Variants in NCAPH observed in about 807,000 individuals in gnomAD.
NCAPH encodes non-SMC condensin I complex subunit H.
NCAPH carries 38 observed loss-of-function variants against 85.5 expected under a neutral mutation model. The ratio of observed to expected loss-of-function variants is 0.44; its 90% CI spans 0.34 to 0.58. The LOEUF is 0.58. NCAPH is among the 20% of genes least tolerant of loss of function. NCAPH has a pLI of 0.01. For synonymous variants in NCAPH, 301 were observed against 335.1 expected (o/e 0.90, Z 1.11); for missense variants, 789 against 916.6 (o/e 0.86, Z 1.80).
chr2:96,375,030 A>C lies in NCAPH; in HGVS notation c.*1679A>C, dbSNP rs74625264. On this transcript the variant is annotated 3_prime_UTR_variant, in exon 18 of 18. Transcript: ENST00000240423. ...TCAAGACCAGCCTGGGCAAAATAGA[A>C]CCCCATCTTTAAAAAAAAAGTTTAA... Among the ~76,000 whole-genome samples, 196 of 151,818 alleles carry C rather than the reference A, an allele frequency of 1.3e-3. 5 individuals carry two copies. In the East Asian group the frequency reaches 0.031, roughly 24 times the overall value.
In NCAPH at chr2:96,344,187, C is replaced by T. The variant is rs773252367; in HGVS notation, c.678C>T (p.Asn226=). 136 of 1,613,234 alleles carry T rather than the reference C, an allele frequency of 8.4e-5. No individual in the cohort carries two copies. The highest frequency in any genetic ancestry group is 1.1e-4 in the Non-Finnish European group (132 of 1,179,836). ...KKHLHRTIEQ[N]INNLNVSEAD... is the part of the protein sequence containing the mutation. ...ACTTACACAGAACTATTGAGCAGAA[C>T]ATAAACAACCTCAATGTCTCCGAAG... The change falls in exon 6 of 18, where the codon AAC becomes AAT. Residue 226 remains asparagine (N), a synonymous_variant. Transcript: ENST00000240423.
intron 17 of NCAPH, among the ~76,000 whole-genome samples, chr2:96,372,269 G>A (rs2104511262): frequency 6.6e-6 from 1 of 152,232 alleles, no homozygotes. Context: ...ACTGCTGTCA[G>A]GAACTAATGG....
chr2:96,365,507 C>T (rs755643950), intron 13 of NCAPH, among the ~76,000 whole-genome samples: 1 of 152,034 alleles, frequency 6.6e-6, no homozygotes, highest in Non-Finnish European at 1.5e-5. Context: ...ACCAGATGGC[C>T]CCAGGAATCT....
At chr2:96,346,019 CA>C (rs2064356788) in intron 6 of NCAPH, among the ~76,000 whole-genome samples, 2 of 152,146 alleles carry the variant, frequency 1.3e-5, no homozygotes, top group African/African-American at 4.8e-5. Flanking sequence ...GGAGAAATGA[CA>C]GCATATTTTG....
At chr2:96,369,369 C>G (rs1456515223) in intron 16 of NCAPH, 56 bp from the exon 17 acceptor site, 2 of 1,434,450 alleles carry the variant, frequency 1.4e-6, no homozygotes, top group Non-Finnish European at 2.0e-6. Context: ...ACTTGATGAA[C>G]GAGCTTTTGT....
At chr2:96,345,474 G>A (rs977935641) in intron 6 of NCAPH, among the ~76,000 whole-genome samples, 5 of 152,308 alleles carry the variant, frequency 3.3e-5, no homozygotes, top group African/African-American at 9.6e-5. Flanking sequence ...TGCTGCAGCC[G>A]GGGTGGAACA....
chr2:96,367,314 C>T lies in NCAPH; in HGVS notation c.1939C>T (p.Leu647=). Residue 647 remains leucine, a synonymous_variant, in exon 15 of 18, where the codon CTG becomes TTG. Transcript: ENST00000240423. ...TGCCAAAAAGATGGACATGAAGAAA[C>T]TGAAGCAGAGCATGTGGAGTCTGCT... ...KTAKKMDMKK[L]KQSMWSLLTA... The T allele has an allele frequency of 6.2e-7, 1 of 1,613,756 alleles. No individual in the cohort carries two copies. The highest frequency in any genetic ancestry group is 8.5e-7 in the Non-Finnish European group (1 of 1,179,744).
Position 96,351,837 on chromosome 2 carries a change from C to A in NCAPH, c.727C>A (p.Pro243Thr), listed in dbSNP as rs199755752. 1 of 1,597,854 alleles carries A rather than the reference C, an allele frequency of 6.3e-7. No individual in the cohort carries two copies. The highest frequency in any genetic ancestry group is 8.5e-7 in the Non-Finnish European group (1 of 1,173,422). ...CTTCTCTCTCTGTGTTCAGATTGAT[C>A]CCATGTTTCAGAAGACAGCAGCCTC... is the stretch of plus-strand genomic sequence containing the variant. Reference protein sequence around the residue: ...SEADRKCEIDPMFQKTAASFD... With the variant: ...SEADRKCEIDTMFQKTAASFD... The change falls in exon 7 of 18, where the codon CCC becomes ACC. Residue 243 changes from proline to threonine, a missense_variant. Physicochemically the swap from Pro to Thr is conservative, Grantham distance 38. Transcript: ENST00000240423.
In NCAPH at chr2:96,364,500, G is replaced by A. The variant is rs774418324; in HGVS notation, c.1607G>A (p.Gly536Asp). Residue 536 changes from glycine to aspartate, a missense_variant, in exon 13 of 18, where the codon GGC becomes GAC. Physicochemically the swap from Gly to Asp is moderately conservative, Grantham distance 94 (BLOSUM62 -1). Coordinates refer to ENST00000240423, the MANE Select transcript of NCAPH (RefSeq NM_015341.5). ...CTTTAGTTACTTAAGATGGCCCAGG[G>A]CCATAGGGTAGAGACTGAGCATTAT... ...PGTRLLKMAQ[G>D]HRVETEHYEE... The A allele has an allele frequency of 2.3e-5, 37 of 1,610,662 alleles. No homozygotes were observed. The highest frequency in any genetic ancestry group is 3.1e-5 in the Non-Finnish European group (36 of 1,177,096).
intron 9 of NCAPH, among the ~76,000 whole-genome samples, chr2:96,356,435 C>T (rs1242320914): frequency 1.3e-5 from 2 of 152,216 alleles, no homozygotes; most frequent in African/African-American, 4.8e-5. Flanking sequence ...ATTTATTGAG[C>T]TCCTTATTCT....
chr2:96,342,052 G>T lies in NCAPH; in HGVS notation c.275G>T (p.Ser92Ile), dbSNP rs757817973. Residue 92 changes from serine (S) to isoleucine (I), a missense_variant and splice_region_variant, in exon 3 of 18, where the codon AGT becomes ATT. Ser to Ile is a moderately radical substitution (Grantham distance 142). Transcript: ENST00000240423. Reference sequence around the variant, plus strand: ...GTTTGTTTTTGTTTTCCATTTAGGAGTATTGACATTTCAGCTACTATCCCC... The same window carrying T: ...GTTTGTTTTTGTTTTCCATTTAGGATTATTGACATTTCAGCTACTATCCCC... Reference protein sequence around the residue: ...PRLLASPSSRSIDISATIPKF... With the variant: ...PRLLASPSSRIIDISATIPKF... The T allele has an allele frequency of 2.0e-5, 33 of 1,610,378 alleles. No individual in the cohort carries two copies. The highest frequency in any genetic ancestry group is 2.7e-5 in the African/African-American group (2 of 74,800).
chr2:96,337,681 G>A (rs986630742), intron 1 of NCAPH, among the ~76,000 whole-genome samples: 13 of 152,098 alleles, frequency 8.5e-5, no homozygotes, highest in African/African-American at 3.1e-4. Context: ...GCCTCCCAAA[G>A]TGCTGGGATT....
chr2:96,337,767 G>A (rs2064234515), intron 1 of NCAPH, among the ~76,000 whole-genome samples: 1 of 151,666 alleles, frequency 6.6e-6, no homozygotes, highest in African/African-American at 2.4e-5. Flanking sequence ...GCTGGAGTGC[G>A]TGGCTATTGA....
chr2:96,357,095 AGTC>A (rs2064534972), intron 9 of NCAPH, among the ~76,000 whole-genome samples: 1 of 152,198 alleles, frequency 6.6e-6, no homozygotes, highest in Non-Finnish European at 1.5e-5. Flanking sequence ...TTAATGACCT[AGTC>A]GGAGGTCAAA....
intron 17 of NCAPH, 161 bp downstream of exon 17, chr2:96,369,661 A>T (rs1447910793): frequency 1.2e-5 from 3 of 252,058 alleles, no homozygotes; most frequent in African/African-American, 6.9e-5. Flanking sequence ...ATCTAGAAGT[A>T]ACTTAGGAAA....
At chr2:96,370,923 G>A (rs553060782) in intron 17 of NCAPH, among the ~76,000 whole-genome samples, 1 of 152,330 alleles carries the variant, frequency 6.6e-6, no homozygotes, top group Admixed American at 6.5e-5. Context: ...GGGGCAGTAA[G>A]GCGGTGACCG....
At chr2:96,366,686 G>A (rs1257306286) in intron 14 of NCAPH, among the ~76,000 whole-genome samples, 4 of 152,114 alleles carry the variant, frequency 2.6e-5, no homozygotes, top group Admixed American at 1.3e-4. Flanking sequence ...AGACCAGCCC[G>A]GCCAACATGG....
Position 96,359,053 on chromosome 2 carries a change from T to C in NCAPH, c.1217T>C (p.Met406Thr). The part of the protein sequence containing the change: ...PCQVQSCQEE[M>T]ISLGDGDIRT... ...AAATATGTGTGTTACAGGGAAGAAA[T>C]GATTTCCCTTGGGGATGGAGACATC... The change falls in exon 10 of 18, where the codon ATG becomes ACG. Residue 406 changes from methionine to threonine, a missense_variant. By Grantham distance (81) the Met-to-Thr change is moderately conservative. Transcript: ENST00000240423. 6.2e-7 allele frequency: 1 copy of C among 1,614,004 alleles called. No individual in the cohort carries two copies. The highest frequency in any genetic ancestry group is 1.1e-5 in the South Asian group (1 of 91,058).
intron 7 of NCAPH, 39 bp from the exon 8 acceptor site, chr2:96,353,267 C>A (rs1343326943): frequency 1.3e-6 from 2 of 1,558,160 alleles, no homozygotes; most frequent in African/African-American, 1.4e-5. Flanking sequence ...CACTTGACCC[C>A]CTTCTAATCT....
Sources: gnomAD v4.1 joint callset for allele counts (sites outside exome capture counted in the v4.1 genomes callset) on GRCh38, gnomAD v4.1.1 for gene constraint, MANE v1.5 for transcripts, NCBI Gene and HGNC (gene_info 2026-07-23, HGNC 2026-07-21) for gene names.